EFNA5: variants seen among roughly 807,000 people sequenced by gnomAD.
EFNA5 encodes the protein ephrin A5, also known as ephrin-A5.
In EFNA5, 5 loss-of-function variants were observed where a neutral mutation model predicts 22.9. That is an observed-to-expected ratio of 0.22 (90% confidence interval 0.11 to 0.46). EFNA5 has a LOEUF of 0.46. Among genes scored for constraint, EFNA5 ranks in the 20% least tolerant of loss-of-function variants. EFNA5 has a pLI of 0.99. For missense variants in EFNA5, 237 were observed against 293.3 expected, an observed-to-expected ratio of 0.81 and a Z score of 1.40; for synonymous variants, 113 against 112.2, an observed-to-expected ratio of 1.01 and a Z score of -0.04.
chr5:107,560,240 A>C (rs371528889), intron 1 of EFNA5, among the ~76,000 whole-genome samples: 13 of 152,354 alleles, frequency 8.5e-5, no homozygotes, highest in African/African-American at 2.2e-4. Context: ...GAAGATTTTC[A>C]ATTTTTACTT....
chr5:107,607,263 AGG>A (rs765676159), intron 1 of EFNA5, among the ~76,000 whole-genome samples: 6 of 149,616 alleles, frequency 4.0e-5, no homozygotes, highest in Admixed American at 6.6e-5. Context: ...AAAATGGTGG[AGG>A]TTTATGATCC....
intron 2 of EFNA5, 66 bp downstream of exon 2, chr5:107,427,150 CA>C: frequency 6.4e-7 from 1 of 1,565,640 alleles, no homozygotes; most frequent in Non-Finnish European, 8.8e-7. Flanking sequence ...TTCTCTGAAA[CA>C]TGGGTAAAAA....
chr5:107,537,127 G>A lies in EFNA5; in HGVS notation c.126-109618C>T, dbSNP rs559807956. Among the ~76,000 whole-genome samples the A allele has an allele frequency of 1.4e-3, 213 of 151,858 alleles. 1 individual carries two copies. Among genetic ancestry groups the A allele is most frequent in the Non-Finnish European group, 2.1e-3 (144 of 67,926 alleles). ...TCAAAGAAAAAAAAAAAAAATTGAA[G>A]TAGATTTCTCAAAACTAATCAACAA... On this transcript the variant is annotated intron_variant, in intron 1 of 4. Coordinates refer to ENST00000333274, the MANE Select transcript of EFNA5 (RefSeq NM_001962.3).
chr5:107,382,497 C>T (rs964440233), intron 4 of EFNA5, among the ~76,000 whole-genome samples: 7 of 152,094 alleles, frequency 4.6e-5, no homozygotes, highest in East Asian at 3.9e-4. Flanking sequence ...CTCAACCTCC[C>T]GAGTAGCTGG....
At chr5:107,452,426 G>C (rs187531126) in intron 1 of EFNA5, among the ~76,000 whole-genome samples, 1 of 152,146 alleles carries the variant, frequency 6.6e-6, no homozygotes, top group Non-Finnish European at 1.5e-5. Flanking sequence ...TATGATGAAA[G>C]AAAAATCTCT....
intron 1 of EFNA5, among the ~76,000 whole-genome samples, chr5:107,593,160 G>C (rs1027236753): frequency 6.6e-6 from 1 of 152,152 alleles, no homozygotes; most frequent in African/African-American, 2.4e-5. Flanking sequence ...GAGAGCAGCT[G>C]AGTGAGCCCA....
At chr5:107,517,750 G>A (rs1747513524) in intron 1 of EFNA5, among the ~76,000 whole-genome samples, 1 of 152,132 alleles carries the variant, frequency 6.6e-6, no homozygotes, top group Non-Finnish European at 1.5e-5. Context: ...AACGAAGCAG[G>A]CTACGTAAAA....
Position 107,378,067 on chromosome 5 carries a change from T to A in EFNA5, c.*3188A>T, listed in dbSNP as rs1561359334. On this transcript the variant is annotated 3_prime_UTR_variant, in exon 5 of 5. Coordinates refer to ENST00000333274, the MANE Select transcript of EFNA5 (RefSeq NM_001962.3). ...TTGGATGTTTCAAAGCCTCAATGCA[T>A]GTTTTGTATCCTGAAAGTCTATTGT... The A allele has an allele frequency of 6.6e-6, 1 of 152,200 alleles. No individual in the cohort carries two copies. Among genetic ancestry groups the A allele is most frequent in the Non-Finnish European group, 1.5e-5 (1 of 68,022 alleles). 9.4% of individuals were successfully genotyped at this position (152,200 alleles called of 1,614,324 possible).
At chr5:107,471,539 T>G (rs1322593503) in intron 1 of EFNA5, among the ~76,000 whole-genome samples, 1 of 152,246 alleles carries the variant, frequency 6.6e-6, no homozygotes, top group Admixed American at 6.5e-5. Context: ...CTTGTCTTTA[T>G]CCTTCATTTT....
chr5:107,606,457 CCTGTTTTGT>C (rs1298357420), intron 1 of EFNA5, among the ~76,000 whole-genome samples: 23 of 151,366 alleles, frequency 1.5e-4, no homozygotes, highest in African/African-American at 5.1e-4. Context: ...TATCCATCTA[CCTGTTTTGT>C]ATTATTTTTA....
intron 2 of EFNA5, among the ~76,000 whole-genome samples, chr5:107,424,410 G>T (rs1202347705): frequency 1.3e-5 from 2 of 149,564 alleles, no homozygotes; most frequent in Admixed American, 6.7e-5. Context: ...TAGCGATGGG[G>T]TTTCACTCTC....
intron 1 of EFNA5, among the ~76,000 whole-genome samples, chr5:107,599,994 A>G (rs568059547): frequency 6.6e-6 from 1 of 152,380 alleles, no homozygotes; most frequent in East Asian, 1.9e-4. Flanking sequence ...CTCAGTAAAA[A>G]GGAATGTGAA....
At chr5:107,538,550 T>C (rs1226888434) in intron 1 of EFNA5, among the ~76,000 whole-genome samples, 1 of 152,178 alleles carries the variant, frequency 6.6e-6, no homozygotes, top group Non-Finnish European at 1.5e-5. Context: ...AGCTGGATAC[T>C]GACATGGTAG....
intron 1 of EFNA5, among the ~76,000 whole-genome samples, chr5:107,584,849 A>G (rs1749143359): frequency 6.6e-6 from 1 of 152,214 alleles, no homozygotes; most frequent in African/African-American, 2.4e-5. Flanking sequence ...TAAAGAATGT[A>G]AGAGGTTTGA....
chr5:107,590,395 AT>A (rs34410566), intron 1 of EFNA5, among the ~76,000 whole-genome samples: 18,770 of 144,616 alleles, frequency 0.13, 1,208 homozygotes, highest in Admixed American at 0.18. Flanking sequence ...TATAGACATA[AT>A]TTTTTTTTTT....
At chr5:107,481,840 A>G (rs994885123) in intron 1 of EFNA5, among the ~76,000 whole-genome samples, 1 of 121,332 alleles carries the variant, frequency 8.2e-6, no homozygotes, top group South Asian at 2.9e-4. Context: ...GTAGAGCGAG[A>G]CTCCATCTCA....
intron 1 of EFNA5, among the ~76,000 whole-genome samples, chr5:107,590,943 A>G (rs1749311208): frequency 1.3e-5 from 2 of 152,224 alleles, no homozygotes. Context: ...CAAAAATTTT[A>G]ACAGTTGTGT....
At chr5:107,461,010 C>A (rs1465337255) in intron 1 of EFNA5, among the ~76,000 whole-genome samples, 1 of 152,074 alleles carries the variant, frequency 6.6e-6, no homozygotes, top group Non-Finnish European at 1.5e-5. Context: ...CAGCCTCAGG[C>A]ACAACAGTCC....
intron 1 of EFNA5, among the ~76,000 whole-genome samples, chr5:107,493,924 G>C (rs1159911337): frequency 6.6e-6 from 1 of 152,204 alleles, no homozygotes. Flanking sequence ...CTGCTTGTTA[G>C]TGTTAGTGTG....
Sources: gnomAD v4.1 joint callset for allele counts (sites outside exome capture counted in the v4.1 genomes callset) on GRCh38, gnomAD v4.1.1 for gene constraint, MANE v1.5 for transcripts, NCBI Gene and HGNC (gene_info 2026-07-23, HGNC 2026-07-21) for gene names.